NOL6: variants seen among roughly 807,000 people sequenced by gnomAD.
The protein encoded by NOL6 is nucleolar protein 6, also known as nucleolar RNA-associated protein.
In NOL6, 33 loss-of-function variants were observed where a neutral mutation model predicts 131.7. That is an observed-to-expected ratio of 0.25 (90% confidence interval 0.19 to 0.33). The LOEUF (loss-of-function observed/expected upper bound fraction) is 0.33, where lower values mean the gene tolerates loss of function less well. NOL6 is among the 10% of genes least tolerant of loss of function. The pLI is 1.00. For missense variants in NOL6, 1,297 were observed against 1,494.5 expected (o/e 0.87, Z 2.18); for synonymous variants, 580 against 605.7 (o/e 0.96, Z 0.62).
In NOL6 at chr9:33,463,108, G is replaced by A. The variant is rs1461884176; in HGVS notation, c.3216C>T (p.Phe1072=). Residue 1072 remains phenylalanine (F), a synonymous_variant, in exon 25 of 26, where the codon TTC becomes TTT. Coordinates refer to ENST00000297990, the MANE Select transcript of NOL6 (RefSeq NM_022917.5). ...LREAFGDLAL[F]FYDQHGGEVI... ...CCTCTCCACCATGCTGGTCATAGAAGAAAAGGGCCAGATCCCCAAAGGCCT... is the reference window on the plus strand; with the variant it reads ...CCTCTCCACCATGCTGGTCATAGAAAAAAAGGGCCAGATCCCCAAAGGCCT... 1.2e-6 allele frequency: 2 copies of A among 1,613,674 alleles called. No homozygotes were observed. Among genetic ancestry groups the A allele is most frequent in the Non-Finnish European group, 1.7e-6 (2 of 1,179,846 alleles).
chr9:33,466,874 T>G (rs769150365), intron 15 of NOL6, 38 bp downstream of exon 15: 1 of 1,601,068 alleles, frequency 6.2e-7, no homozygotes, highest in African/African-American at 1.3e-5. Context: ...GCAGATTGAT[T>G]ACTCTACAAT....
chr9:33,466,807 G>A (rs1444705229), intron 15 of NOL6, 98 bp from the exon 16 acceptor site: 10 of 1,570,014 alleles, frequency 6.4e-6, no homozygotes, highest in South Asian at 2.3e-5. Context: ...CAGCACCGCC[G>A]CCTGCTGGAC....
chr9:33,465,562 T>C (rs1310886086), intron 19 of NOL6, among the ~76,000 whole-genome samples, 172 bp downstream of exon 19: 2 of 152,178 alleles, frequency 1.3e-5, no homozygotes, highest in Non-Finnish European at 2.9e-5. Flanking sequence ...AATCTGACCA[T>C]AGGGTCACAG....
chr9:33,466,373 C>T lies in NOL6; in HGVS notation c.2144G>A (p.Arg715Gln), dbSNP rs370335926. Residue 715 changes from arginine to glutamine, a missense_variant, in exon 17 of 26, where the codon CGG (arginine) becomes CAG (glutamine). By Grantham distance (43) the Arg-to-Gln change is conservative. Transcript: ENST00000297990. ...RPAFSFYETL[R>Q]ERSSLLPRLD... is the part of the protein sequence containing the mutation. ...CCGGGGCAGCAGTGAGGACCGCTCC[C>T]GCAGAGTCTCATAGAAGGAGAAGGC... is the stretch of plus-strand genomic sequence containing the variant. 46 of 1,614,100 alleles carry T rather than the reference C, an allele frequency of 2.8e-5. No homozygotes were observed. The highest frequency in any genetic ancestry group is 5.5e-5 in the South Asian group (5 of 91,084).
rs564514313 is a variant in NOL6 at position 33,470,205 on chromosome 9, GA to G, written c.379-15del. On this transcript the variant is annotated splice_polypyrimidine_tract_variant and intron_variant, in intron 3 of 25. Transcript: ENST00000297990. ...CTGGTCAGTGAGCTGTGGGGGCAGA[GA>G]CAGGGACACATACTGATTCAACTGC... The G allele has an allele frequency of 1.4e-4, 223 of 1,555,872 alleles. 2 individuals carry two copies. The South Asian group carries it at 2.5e-3, about 18-fold the overall frequency.
Position 33,472,120 on chromosome 9 carries a change from C to T in NOL6, c.262G>A (p.Val88Ile), listed in dbSNP as rs1199678533. ...LFHSSLLRLQ[V>I]EELLKEVRLS... ...CTTACTTCCTTTAGTAGCTCCTCTA[C>T]CTGTAAGAGAGGGTAGAAGACAGTC... The change falls in exon 3 of 26, where the codon GTA (valine) becomes ATA (isoleucine). Residue 88 changes from valine to isoleucine, a missense_variant and splice_region_variant. Val to Ile is a conservative substitution (Grantham distance 29). Transcript: ENST00000297990. The T allele has an allele frequency of 6.2e-7, 1 of 1,613,858 alleles. No homozygotes were observed. The highest frequency in any genetic ancestry group is 8.5e-7 in the Non-Finnish European group (1 of 1,179,844).
chr9:33,469,195 G>C lies in NOL6; in HGVS notation c.862+12C>G, dbSNP rs1827338737. On this transcript the variant is annotated intron_variant, in intron 6 of 25. Transcript: ENST00000297990. ...TCCCTCCAGCTCCACCTCAACACCA[G>C]GGCCTGCTCACCATCCCCTGCAGGA... is the stretch of plus-strand genomic sequence containing the variant. 1.2e-6 allele frequency: 2 copies of C among 1,614,190 alleles called. No individual in the cohort carries two copies. Among genetic ancestry groups the C allele is most frequent in the Non-Finnish European group, 1.7e-6 (2 of 1,180,016 alleles).
At chr9:33,473,748 C>A in intron 1 of NOL6, 41 bp downstream of exon 1, 3 of 1,606,100 alleles carry the variant, frequency 1.9e-6, no homozygotes, top group South Asian at 2.2e-5. Flanking sequence ...GCCAAGGGAG[C>A]GCACATTGAG....
At chr9:33,469,703 A>G (rs758736531) in intron 4 of NOL6, 36 bp from the exon 5 acceptor site, 3 of 1,591,084 alleles carry the variant, frequency 1.9e-6, no homozygotes, top group South Asian at 1.1e-5. Flanking sequence ...GGCCAGGCAC[A>G]TAAGTGCTTG....
rs778326753 is a variant in NOL6 at position 33,467,198 on chromosome 9, A to G, written c.1790T>C (p.Ile597Thr). The change falls in exon 14 of 26, where the codon ATT becomes ACT. Residue 597 changes from isoleucine to threonine, a missense_variant. Transcript: ENST00000297990. The surrounding 1 kb of genome is among the most constrained non-coding windows in gnomAD (Gnocchi z 4.4). ...SELRRFQDGA[I>T]REAVVWEAAS... ...TGCCTCCCAGACCACAGCTTCCCGA[A>G]TGGCTCCGTCCTGGAAACGCCGAAG... 2 of 1,614,162 alleles carry G rather than the reference A, an allele frequency of 1.2e-6. No homozygotes were observed. Among genetic ancestry groups the G allele is most frequent in the East Asian group, 4.5e-5 (2 of 44,880 alleles).
At position 33,467,322 on chromosome 9, in the gene NOL6, A is replaced by G. The variant is rs1827275083; in HGVS notation, c.1726-60T>C. On this transcript the variant is annotated intron_variant, in intron 13 of 25. Coordinates refer to ENST00000297990, the MANE Select transcript of NOL6 (RefSeq NM_022917.5). The surrounding 1 kb of genome is among the most constrained non-coding windows in gnomAD (Gnocchi z 4.4). ...GGAAGGGCTCTGTGGACCCTCCCCA[A>G]CAAGCTTCAGTCCAGGTGCCATGAG... 8.7e-6 allele frequency: 14 copies of G among 1,610,010 alleles called. No homozygotes were observed. The highest frequency in any genetic ancestry group is 3.3e-4 in the Middle Eastern group (2 of 6,068).
At chr9:33,469,877 A>G in intron 4 of NOL6, 135 bp downstream of exon 4, 1 of 1,062,952 alleles carries the variant, frequency 9.4e-7, no homozygotes, top group South Asian at 1.7e-5. Context: ...TGCCTTCAGG[A>G]TGCCTGCAAT....
Position 33,469,325 on chromosome 9 carries a change from C to G in NOL6, c.744G>C (p.Leu248=). The G allele has an allele frequency of 6.2e-7, 1 of 1,614,066 alleles. No homozygotes were observed. The highest frequency in any genetic ancestry group is 8.5e-7 in the Non-Finnish European group (1 of 1,180,008). The change falls in exon 6 of 26, where the codon CTG becomes CTC. Residue 248 remains leucine (L), a synonymous_variant. Coordinates refer to ENST00000297990, the MANE Select transcript of NOL6 (RefSeq NM_022917.5). Reference sequence around the variant, plus strand: ...GGCACGGATGCAGACGTACAGTGACCAGGCGCTCATCCTTTCCTGCCAGAG... The same window carrying G: ...GGCACGGATGCAGACGTACAGTGACGAGGCGCTCATCCTTTCCTGCCAGAG... ...LLRPRGKDER[L]VTVRLHPCPP...
In NOL6 at chr9:33,472,218, C is replaced by T. The variant is rs1187076946; in HGVS notation, c.249G>A (p.Leu83=). ...CACTCAACAGTACCTGTAAACGAAGCAAGCTGGAGTGGAACAAGATCTCAG... is the reference window on the plus strand; with the variant it reads ...CACTCAACAGTACCTGTAAACGAAGTAAGCTGGAGTGGAACAAGATCTCAG... ...RETEILFHSS[L]LRLQVEELLK... The change falls in exon 2 of 26, where the codon TTG becomes TTA. Residue 83 remains leucine (L), a synonymous_variant. Transcript: ENST00000297990. The T allele has an allele frequency of 3.7e-6, 6 of 1,614,232 alleles. No individual in the cohort carries two copies. Among genetic ancestry groups the T allele is most frequent in the East Asian group, 2.2e-5 (1 of 44,890 alleles).
At position 33,465,979 on chromosome 9, in the gene NOL6, C is replaced by T. The variant is rs1283731655; in HGVS notation, c.2365-82G>A. ...CTCTGTGGCCTACAGCCCTATTACC[C>T]AGCGTGGTACCCACAGGGGTGTCTT... is the stretch of plus-strand genomic sequence containing the variant. On this transcript the variant is annotated intron_variant, in intron 18 of 25. Transcript: ENST00000297990. 7 of 1,570,136 alleles carry T rather than the reference C, an allele frequency of 4.5e-6. No homozygotes were observed. The East Asian group carries it at 1.1e-4, about 25-fold the overall frequency.
In NOL6 at chr9:33,463,308, G is replaced by A. The variant is rs1827148221; in HGVS notation, c.3128C>T (p.Pro1043Leu). 15 of 1,614,120 alleles carry A rather than the reference G, an allele frequency of 9.3e-6. No homozygotes were observed. The highest frequency in any genetic ancestry group is 1.6e-4 in the Middle Eastern group (1 of 6,062). ...FCRGLLSQPG[P>L]SSLMPVLGYD... ...GCCCAGCACGGGCATCAGGGATGAG[G>A]GCCCCGGCTGGCTGAGCAGGCCCCG... Residue 1043 changes from proline (P) to leucine (L), a missense_variant, in exon 24 of 26, where the codon CCC (proline) becomes CTC (leucine). Physicochemically the swap from Pro to Leu is moderately conservative, Grantham distance 98 (BLOSUM62 -3). Coordinates refer to ENST00000297990, the MANE Select transcript of NOL6 (RefSeq NM_022917.5).
At chr9:33,472,850 G>A (rs1372735738) in intron 1 of NOL6, among the ~76,000 whole-genome samples, 3 of 151,818 alleles carry the variant, frequency 2.0e-5, no homozygotes, top group Non-Finnish European at 4.4e-5. Flanking sequence ...GCACATGCCT[G>A]TAATCTCAGC....
rs754013566 is a variant in NOL6 at position 33,468,843 on chromosome 9, G to A, written c.1056C>T (p.Val352=). 14 of 1,614,004 alleles carry A rather than the reference G, an allele frequency of 8.7e-6. No individual in the cohort carries two copies. Among genetic ancestry groups the A allele is most frequent in the Non-Finnish European group, 1.2e-5 (14 of 1,180,032 alleles). Residue 352 remains valine, a synonymous_variant, in exon 8 of 26, where the codon GTC becomes GTT. Coordinates refer to ENST00000297990, the MANE Select transcript of NOL6 (RefSeq NM_022917.5). ...ACACAAGGAAGACAACCAGCATGGA[G>A]ACAAGGAACCCAGTAAACCCACCCT... ...KGQGGFTGFL[V]SMLVVFLVST... is the part of the protein sequence containing the mutation.
intron 5 of NOL6, 36 bp from the exon 6 acceptor site, chr9:33,469,377 G>A: frequency 6.2e-7 from 1 of 1,613,434 alleles, no homozygotes; most frequent in Non-Finnish European, 8.5e-7. Flanking sequence ...CTCTGCAGGA[G>A]CCCTTGGAGC....
Sources: gnomAD v4.1 joint callset for allele counts (sites outside exome capture counted in the v4.1 genomes callset) on GRCh38, gnomAD v4.1.1 for gene constraint, Gnocchi (gnomAD v3.1) non-coding constraint, MANE v1.5 for transcripts, NCBI Gene and HGNC (gene_info 2026-07-23, HGNC 2026-07-21) for gene names.